The following PIK3R4 variants were observed in gnomAD, a reference collection of about 807,000 sequenced individuals.
PIK3R4 encodes the protein phosphoinositide-3-kinase regulatory subunit 4, also known as phosphoinositide 3-kinase regulatory subunit 4.
In PIK3R4, 46 loss-of-function variants were observed where a neutral mutation model predicts 136.5. The ratio of observed to expected loss-of-function variants is 0.34; its 90% CI spans 0.27 to 0.43. PIK3R4 has a LOEUF of 0.43. Ranked by LOEUF, PIK3R4 falls within the 20% of genes least tolerant of loss-of-function variation. PIK3R4 has a pLI of 1.00. For synonymous variants in PIK3R4, 557 were observed against 566.7 expected (o/e 0.98, Z 0.24); for missense variants, 1,331 against 1,649.5 (o/e 0.81, Z 3.35).
chr3:130,692,836 C>A (rs961134493), intron 13 of PIK3R4, among the ~76,000 whole-genome samples: 1 of 152,222 alleles, frequency 6.6e-6, no homozygotes, highest in Non-Finnish European at 1.5e-5. Flanking sequence ...CTCCCCATCT[C>A]TTTTAATATT....
intron 7 of PIK3R4, among the ~76,000 whole-genome samples, chr3:130,719,938 G>A (rs1054834976): frequency 6.6e-6 from 1 of 152,118 alleles, no homozygotes; most frequent in African/African-American, 2.4e-5. Flanking sequence ...CCCCTACAAT[G>A]AGGGCCCCAG....
intron 9 of PIK3R4, among the ~76,000 whole-genome samples, chr3:130,714,571 A>C (rs984650605): frequency 1.3e-5 from 2 of 152,048 alleles, no homozygotes; most frequent in Non-Finnish European, 2.9e-5. Context: ...GGTTTGCTTC[A>C]CCTACTGACC....
chr3:130,710,403 T>C (rs1364354775), intron 9 of PIK3R4, among the ~76,000 whole-genome samples: 2 of 152,092 alleles, frequency 1.3e-5, no homozygotes. Context: ...ATAATCATCT[T>C]AGCTCCAGAA....
chr3:130,746,358 C>T lies in PIK3R4; in HGVS notation c.-87G>A, dbSNP rs1035261354. On this transcript the variant is annotated 5_prime_UTR_variant, in exon 1 of 20. The change creates a new upstream start codon in the 5' untranslated region. Transcript: ENST00000356763. ...AGTGTCAAAATCGTTCAGAGGCTCA[C>T]AACGAGGTCATAGTAGACTACTTCG... 2.6e-5 allele frequency: 4 copies of T among 152,266 alleles called. No homozygotes were observed. Among genetic ancestry groups the T allele is most frequent in the East Asian group, 3.8e-4 (2 of 5,200 alleles). 9.4% of individuals were successfully genotyped at this position (152,266 alleles called of 1,614,324 possible).
rs1576466536 is a variant in PIK3R4 at position 130,745,376 on chromosome 3, T to C, written c.-46-112A>G. On this transcript the variant is annotated intron_variant, in intron 1 of 19. Coordinates refer to ENST00000356763, the MANE Select transcript of PIK3R4 (RefSeq NM_014602.3). Reference sequence around the variant, plus strand: ...AAAAGACAGATGCAGCATACTTCTCTTCCACTAACAGCACTGTACCTAGCC... The same window carrying C: ...AAAAGACAGATGCAGCATACTTCTCCTCCACTAACAGCACTGTACCTAGCC... 1.5e-5 allele frequency: 10 copies of C among 685,704 alleles called. No homozygotes were observed. The Middle Eastern group carries it at 3.3e-3, about 225-fold the overall frequency. 42.5% of individuals were successfully genotyped at this position (685,704 alleles called of 1,614,324 possible).
rs771366445 is a variant in PIK3R4 at position 130,681,152 on chromosome 3, C to T, written c.3709-87G>A. The T allele has an allele frequency of 4.9e-4, 391 of 805,688 alleles. 5 individuals are homozygous for T. The highest frequency in any genetic ancestry group is 1.8e-4 in the Admixed American group (10 of 55,448). 49.9% of individuals were successfully genotyped at this position (805,688 alleles called of 1,614,324 possible). On this transcript the variant is annotated intron_variant, in intron 17 of 19. Transcript: ENST00000356763. ...CTATTTCTAGAGGCAAGTTAACTGT[C>T]AGTAGCTTTACAAGCACCTGGTTAA... is the stretch of plus-strand genomic sequence containing the variant.
chr3:130,716,683 G>C, intron 8 of PIK3R4, 84 bp from the exon 9 acceptor site: 1 of 789,662 alleles, frequency 1.3e-6, no homozygotes, highest in East Asian at 2.7e-5. Flanking sequence ...CTTGAGAAAA[G>C]TTAACATATT....
Position 130,681,081 on chromosome 3 carries a change from T to C in PIK3R4, c.3709-16A>G, listed in dbSNP as rs1164821672. ...GAGGAGAAGGCTTAAAAGAAATAGATGTGGAGTCAAATAAAAGACATCCGT... is the reference window on the plus strand; with the variant it reads ...GAGGAGAAGGCTTAAAAGAAATAGACGTGGAGTCAAATAAAAGACATCCGT... On this transcript the variant is annotated splice_polypyrimidine_tract_variant and intron_variant, in intron 17 of 19. Transcript: ENST00000356763. 7.3e-7 allele frequency: 1 copy of C among 1,367,082 alleles called. No homozygotes were observed. Among genetic ancestry groups the C allele is most frequent in the African/African-American group, 1.4e-5 (1 of 70,128 alleles). 84.7% of individuals were successfully genotyped at this position (1,367,082 alleles called of 1,614,324 possible).
At chr3:130,714,308 CTTT>C (rs545173862) in intron 9 of PIK3R4, among the ~76,000 whole-genome samples, 2 of 152,052 alleles carry the variant, frequency 1.3e-5, no homozygotes, top group Non-Finnish European at 2.9e-5. Flanking sequence ...CGACTGTATT[CTTT>C]ATTTTTAACC....
intron 7 of PIK3R4, 45 bp downstream of exon 7, chr3:130,723,369 A>G (rs745383277): frequency 2.6e-6 from 4 of 1,511,616 alleles, no homozygotes. Context: ...GAAATTTTAT[A>G]AAGTTCTTCC....
Position 130,728,668 on chromosome 3 carries a change from A to T in PIK3R4, c.1602T>A (p.His534Gln). The stretch of plus-strand genomic sequence containing the variant: ...TAACAACTTTCTGCTGGACCATTTC[A>T]TGTAAGGCTTGGAGCTCTAAAAAAA... ...GNYDTELQAL[H>Q]EMVQQKVVTL... The change falls in exon 6 of 20, where the codon CAT becomes CAA. Residue 534 changes from histidine (H) to glutamine (Q), a missense_variant. Coordinates refer to ENST00000356763, the MANE Select transcript of PIK3R4 (RefSeq NM_014602.3). 1 of 1,522,070 alleles carries T rather than the reference A, an allele frequency of 6.6e-7. No individual in the cohort carries two copies. Among genetic ancestry groups the T allele is most frequent in the Non-Finnish European group, 9.0e-7 (1 of 1,116,160 alleles). 94.3% of individuals were successfully genotyped at this position (1,522,070 alleles called of 1,614,324 possible). A position where few individuals can be genotyped will look rare whatever the true frequency, so the allele number is the denominator to read the frequency against.
At chr3:130,746,096 C>A (rs915351923) in intron 1 of PIK3R4, among the ~76,000 whole-genome samples, 1 of 152,062 alleles carries the variant, frequency 6.6e-6, no homozygotes, top group East Asian at 1.9e-4. Context: ...TCAGTTAACT[C>A]CTGGACACTT....
chr3:130,686,560 C>G (rs2066492388), intron 14 of PIK3R4, 138 bp from the exon 15 acceptor site: 1 of 598,142 alleles, frequency 1.7e-6, no homozygotes. Context: ...AAAGCCGACA[C>G]ATTAAAAAAA....
Position 130,718,383 on chromosome 3 carries a change from G to A in PIK3R4, c.2127+6C>T, listed in dbSNP as rs1576458932. The A allele has an allele frequency of 1.2e-6, 2 of 1,612,292 alleles. No homozygotes were observed. The highest frequency in any genetic ancestry group is 1.7e-6 in the Non-Finnish European group (2 of 1,178,574). On this transcript the variant is annotated splice_donor_region_variant and intron_variant, in intron 8 of 19. Coordinates refer to ENST00000356763, the MANE Select transcript of PIK3R4 (RefSeq NM_014602.3). ...AAAGACTGACTCCAACTTGGAACATGTATACCTGTATTATTGGTTGGGTAA... is the reference window on the plus strand; with the variant it reads ...AAAGACTGACTCCAACTTGGAACATATATACCTGTATTATTGGTTGGGTAA...
intron 9 of PIK3R4, among the ~76,000 whole-genome samples, chr3:130,712,485 A>G (rs1489287488): frequency 1.3e-5 from 2 of 151,968 alleles, no homozygotes; most frequent in Admixed American, 6.6e-5. Context: ...CCTGACCAAC[A>G]TGGAGAAACC....
At position 130,718,384 on chromosome 3, in the gene PIK3R4, T is replaced by A; in HGVS notation, c.2127+5A>T. 7 of 1,612,746 alleles carry A rather than the reference T, an allele frequency of 4.3e-6. No homozygotes were observed. The highest frequency in any genetic ancestry group is 5.9e-6 in the Non-Finnish European group (7 of 1,178,932). ...AAGACTGACTCCAACTTGGAACATG[T>A]ATACCTGTATTATTGGTTGGGTAAT... On this transcript the variant is annotated splice_donor_5th_base_variant and intron_variant, in intron 8 of 19. Coordinates refer to ENST00000356763, the MANE Select transcript of PIK3R4 (RefSeq NM_014602.3).
At chr3:130,745,965 A>C (rs1358252518) in intron 1 of PIK3R4, among the ~76,000 whole-genome samples, 3 of 151,998 alleles carry the variant, frequency 2.0e-5, no homozygotes, top group Non-Finnish European at 2.9e-5. Flanking sequence ...GGTTGCAGTG[A>C]GTGGAGATCC....
At chr3:130,690,858 C>T (rs867125043) in intron 13 of PIK3R4, among the ~76,000 whole-genome samples, 2 of 151,644 alleles carry the variant, frequency 1.3e-5, no homozygotes, top group Middle Eastern at 3.5e-3. Flanking sequence ...CATCTGCACA[C>T]ACTTCTCTCT....
Position 130,686,264 on chromosome 3 carries a change from G to A in PIK3R4, c.3422C>T (p.Ser1141Leu), listed in dbSNP as rs373768958. The change falls in exon 15 of 20, where the codon TCG becomes TTG. Residue 1141 changes from serine (S) to leucine (L), a missense_variant. Physicochemically the swap from Ser to Leu is moderately radical, Grantham distance 145. Transcript: ENST00000356763. ...CACAGCAAAGGAAGTGATGAGGCCC[G>A]ACTTTAAATCATGCTTTAAAGTCCA... ...NAWTLKHDLK[S>L]GLITSFAVDI... The A allele has an allele frequency of 2.0e-5, 32 of 1,613,328 alleles. No homozygotes were observed. The highest frequency in any genetic ancestry group is 1.6e-4 in the Middle Eastern group (1 of 6,076).
Sources: allele counts gnomAD v4.1 joint callset (sites outside exome capture counted in the v4.1 genomes callset), GRCh38; gene constraint gnomAD v4.1.1; transcripts MANE v1.5; gene names NCBI Gene and HGNC (gene_info 2026-07-23, HGNC 2026-07-21).